Variants in ATP11B observed in about 807,000 individuals in gnomAD.
ATP11B encodes phospholipid-transporting ATPase IF.
A neutral mutation model predicts 157.8 loss-of-function variants in ATP11B; 81 were observed. The ratio of observed to expected loss-of-function variants is 0.51; its 90% CI spans 0.43 to 0.62. The LOEUF (loss-of-function observed/expected upper bound fraction) is 0.62. ATP11B is among the 20% of genes least tolerant of loss of function. The probability of loss-of-function intolerance (pLI) is 0.00; values close to 1 mark genes in which losing one functional copy is unlikely to be tolerated. For synonymous variants in ATP11B, 451 were observed against 469.4 expected (o/e 0.96, Z 0.51); for missense variants, 1,165 against 1,402.2 (o/e 0.83, Z 2.70).
chr3:182,848,047 C>A (rs1486272717), intron 9 of ATP11B, among the ~76,000 whole-genome samples: 2 of 152,178 alleles, frequency 1.3e-5, no homozygotes, highest in African/African-American at 2.4e-5. Context: ...TGTCTAGACC[C>A]CCGATTCCAG....
At chr3:182,844,151 T>TG (rs1392312896) in intron 8 of ATP11B, 13 of 152,344 alleles carry the variant, frequency 8.5e-5, no homozygotes, top group Admixed American at 2.0e-4. Flanking sequence ...AATCTGAAGT[T>TG]GTCATTATAT....
chr3:182,862,226 G>A (rs1275818545), intron 12 of ATP11B, among the ~76,000 whole-genome samples: 3 of 141,946 alleles, frequency 2.1e-5, no homozygotes, highest in East Asian at 4.0e-4. Context: ...GTTGCAGTGA[G>A]CCCAGATTGT....
At position 182,859,364 on chromosome 3, in the gene ATP11B, AAATG is replaced by A. The variant is rs777597602; in HGVS notation, c.1200+7_1200+10del. On this transcript the variant is annotated splice_donor_region_variant and intron_variant, in intron 12 of 29. Coordinates refer to ENST00000323116, the MANE Select transcript of ATP11B (RefSeq NM_014616.3). ...CTGAATGAAGAGCTTGGACAGGTGA[AAATG>A]ATCCTAATATTTTGTTTCTCTAATT... The A allele has an allele frequency of 2.6e-6, 4 of 1,558,222 alleles. No individual in the cohort carries two copies. The African/African-American group carries it at 5.5e-5, about 21-fold the overall frequency.
At chr3:182,839,991 C>CT (rs1292406697) in intron 7 of ATP11B, among the ~76,000 whole-genome samples, 2 of 152,050 alleles carry the variant, frequency 1.3e-5, no homozygotes, top group African/African-American at 4.8e-5. Context: ...TATTCTTGAC[C>CT]TTTTTTTAAA....
chr3:182,809,241 T>C (rs533149434), intron 1 of ATP11B, among the ~76,000 whole-genome samples: 2 of 151,936 alleles, frequency 1.3e-5, no homozygotes, highest in Non-Finnish European at 2.9e-5. Flanking sequence ...ATTTCTTTTA[T>C]TTAATTTTAA....
chr3:182,885,932 A>T lies in ATP11B; in HGVS notation c.2656-19A>T. 6.8e-7 allele frequency: 1 copy of T among 1,470,370 alleles called. No homozygotes were observed. The allele number at this position is 1,470,370 out of a possible 1,614,324, so 91.1% of individuals were successfully genotyped here. ...AACCTAAATATTTTAATTATTTTCC[A>T]TTTAATCTTGTTTTTCAGAATGTGT... On this transcript the variant is annotated intron_variant, in intron 22 of 29. Transcript: ENST00000323116.
At chr3:182,904,575 TTAATC>T (rs1479717619) in intron 28 of ATP11B, among the ~76,000 whole-genome samples, 1 of 152,198 alleles carries the variant, frequency 6.6e-6, no homozygotes, top group African/African-American at 2.4e-5. Context: ...TTTTTAATCT[TTAATC>T]AAGTTAGTAC....
At chr3:182,895,405 G>A (rs1214893855) in intron 25 of ATP11B, among the ~76,000 whole-genome samples, 6 of 152,132 alleles carry the variant, frequency 3.9e-5, no homozygotes, top group Admixed American at 2.0e-4. Flanking sequence ...TTATATACCA[G>A]GTACCCCATT....
intron 24 of ATP11B, among the ~76,000 whole-genome samples, chr3:182,887,919 A>G (rs1294881247): frequency 6.6e-6 from 1 of 152,196 alleles, no homozygotes; most frequent in African/African-American, 2.4e-5. Context: ...AAGAATGAGC[A>G]CTTTCATCCT....
chr3:182,893,221 G>GT (rs1036820791), intron 25 of ATP11B, among the ~76,000 whole-genome samples: 14 of 152,032 alleles, frequency 9.2e-5, no homozygotes, highest in Middle Eastern at 3.4e-3. Flanking sequence ...TTCTTGTTTA[G>GT]TTTTTTTATT....
At chr3:182,891,763 C>T (rs1468538953) in intron 25 of ATP11B, among the ~76,000 whole-genome samples, 1 of 152,158 alleles carries the variant, frequency 6.6e-6, no homozygotes, top group Non-Finnish European at 1.5e-5. Context: ...ACCTCCAATA[C>T]TAGGTATAGT....
chr3:182,825,700 G>GC (rs1717668569), intron 2 of ATP11B, among the ~76,000 whole-genome samples: 2 of 147,160 alleles, frequency 1.4e-5, no homozygotes, highest in South Asian at 4.3e-4. Context: ...TCCAGCCTGG[G>GC]TGACTGAGTG....
chr3:182,874,285 A>G (rs962271776), intron 19 of ATP11B, among the ~76,000 whole-genome samples: 2 of 152,242 alleles, frequency 1.3e-5, no homozygotes, highest in African/African-American at 4.8e-5. Context: ...CTTTTACACT[A>G]CAGCATCAGA....
intron 1 of ATP11B, among the ~76,000 whole-genome samples, chr3:182,814,635 C>T (rs950610268): frequency 2.0e-5 from 3 of 151,890 alleles, no homozygotes; most frequent in Admixed American, 2.0e-4. Context: ...CAGTGAGACC[C>T]CATATCTACA....
intron 28 of ATP11B, among the ~76,000 whole-genome samples, chr3:182,913,191 C>A (rs9864283): frequency 0.013 from 2,042 of 152,236 alleles, 44 homozygotes; most frequent in African/African-American, 0.042. Context: ...CTAACTGTTA[C>A]AAAGCAGGAT....
intron 1 of ATP11B, among the ~76,000 whole-genome samples, chr3:182,798,550 G>A (rs1203277725): frequency 2.0e-5 from 3 of 152,190 alleles, no homozygotes; most frequent in African/African-American, 4.8e-5. Context: ...TTTTGCATTT[G>A]GTTAGGAAGA....
chr3:182,877,613 G>T (rs1722134951), intron 19 of ATP11B, among the ~76,000 whole-genome samples: 1 of 152,158 alleles, frequency 6.6e-6, no homozygotes, highest in Non-Finnish European at 1.5e-5. Context: ...CTGCACTCCA[G>T]CCTGGGTGAC....
In ATP11B at chr3:182,920,401, T is replaced by C. The variant is rs1725398596; in HGVS notation, c.*2297T>C. On this transcript the variant is annotated 3_prime_UTR_variant, in exon 30 of 30. Coordinates refer to ENST00000323116, the MANE Select transcript of ATP11B (RefSeq NM_014616.3). ...TTTATTTAAGAAAGTAACAATGCAG[T>C]CTGCAAGCTTTCAGTAGTTTTCTAG... 1.3e-5 allele frequency: 2 copies of C among 152,328 alleles called. No individual in the cohort carries two copies. The highest frequency in any genetic ancestry group is 4.1e-4 in the South Asian group (2 of 4,832). 9.4% of individuals were successfully genotyped at this position (152,328 alleles called of 1,614,324 possible).
chr3:182,914,374 T>C, intron 29 of ATP11B: 1 of 986,444 alleles, frequency 1.0e-6, no homozygotes. Flanking sequence ...GCTTTTTGTC[T>C]TTACAAAATA....
Sources: allele counts gnomAD v4.1 joint callset (sites outside exome capture counted in the v4.1 genomes callset), GRCh38; gene constraint gnomAD v4.1.1; transcripts MANE v1.5; gene names NCBI Gene and HGNC (gene_info 2026-07-23, HGNC 2026-07-21).